Variants in PI4KA observed in about 807,000 individuals in gnomAD.
PI4KA encodes the protein PI4-kinase alpha.
A neutral mutation model predicts 271.4 loss-of-function variants in PI4KA; 122 were observed. The observed-to-expected ratio is 0.45, with a 90% CI of 0.39 to 0.52. PI4KA has a LOEUF of 0.52. Ranked by LOEUF, PI4KA falls within the 20% of genes least tolerant of loss-of-function variation. The probability of loss-of-function intolerance (pLI) is 0.00; values close to 1 mark genes in which losing one functional copy is unlikely to be tolerated. For synonymous variants in PI4KA, 1,041 were observed against 1,078.8 expected, an observed-to-expected ratio of 0.96 and a Z score of 0.69; for missense variants, 1,969 against 2,769.1, an observed-to-expected ratio of 0.71 and a Z score of 6.48.
intron 1 of PI4KA, among the ~76,000 whole-genome samples, chr22:20,849,591 A>G (rs165781): frequency 0.49 from 74,115 of 152,054 alleles, 18,581 homozygotes; most frequent in African/African-American, 0.59. Flanking sequence ...AGTGGCTCAC[A>G]CCTGTAATCC....
chr22:20,794,874 G>A (rs555992117), intron 18 of PI4KA, among the ~76,000 whole-genome samples: 2 of 152,150 alleles, frequency 1.3e-5, no homozygotes, highest in South Asian at 2.1e-4. Context: ...ACGCCTGTTC[G>A]TTCATAGACA....
At chr22:20,839,529 CTT>C (rs1925289324) in intron 1 of PI4KA, among the ~76,000 whole-genome samples, 2 of 152,188 alleles carry the variant, frequency 1.3e-5, no homozygotes, top group Non-Finnish European at 2.9e-5. Context: ...CTCACTGACT[CTT>C]TTAAAAAATC....
rs774894867 is a variant in PI4KA at position 20,727,198 on chromosome 22, C to CAGA, written c.4941+29_4941+31dup. On this transcript the variant is annotated intron_variant, in intron 41 of 54. Transcript: ENST00000255882. Reference sequence around the variant, plus strand: ...GTAAGACCCCTCCCAACAGTCCTACCAGAGGCCAGCTCAGCAGGGCCCTGG... The same window carrying CAGA: ...GTAAGACCCCTCCCAACAGTCCTACCAGAAGAGGCCAGCTCAGCAGGGCCCTGG... 6 of 1,595,066 alleles carry CAGA rather than the reference C, an allele frequency of 3.8e-6. No individual in the cohort carries two copies. In the Admixed American group the frequency reaches 1.1e-4, roughly 29 times the overall value.
At chr22:20,805,398 A>AT (rs1935592945) in intron 10 of PI4KA, among the ~76,000 whole-genome samples, 1 of 152,190 alleles carries the variant, frequency 6.6e-6, no homozygotes. Flanking sequence ...TTTCCCAGGG[A>AT]TGTTACAGCC....
intron 12 of PI4KA, 151 bp from the exon 13 acceptor site, chr22:20,803,471 A>G: frequency 1.3e-6 from 1 of 775,690 alleles, no homozygotes; most frequent in Non-Finnish European, 2.1e-6. Context: ...CAGGACATAA[A>G]AAGATGGAAG....
chr22:20,782,842 G>A (rs73162812), intron 19 of PI4KA, among the ~76,000 whole-genome samples: 10,550 of 152,194 alleles, frequency 0.069, 353 homozygotes, highest in East Asian at 0.078. Context: ...GAGAAACCCT[G>A]GGTGAGGCAG....
chr22:20,751,478 G>T, intron 26 of PI4KA, 102 bp from the exon 27 acceptor site: 1 of 1,098,476 alleles, frequency 9.1e-7, no homozygotes, highest in Non-Finnish European at 1.4e-6. Flanking sequence ...TCTGTGACAG[G>T]CCTCCATACT....
At chr22:20,718,641 G>T (rs1200303622) in intron 44 of PI4KA, 52 bp downstream of exon 44, 4 of 1,596,650 alleles carry the variant, frequency 2.5e-6, no homozygotes, top group Non-Finnish European at 3.4e-6. Flanking sequence ...CTGTTAAGCT[G>T]CAGGGACTGG....
chr22:20,774,772 AAAAG>A (rs1482733701), intron 19 of PI4KA, among the ~76,000 whole-genome samples: 2 of 151,918 alleles, frequency 1.3e-5, no homozygotes, highest in African/African-American at 4.8e-5. Context: ...AAAAAAAAAA[AAAAG>A]AAGAAAAAAG....
At position 20,754,731 on chromosome 22, in the gene PI4KA, C is replaced by T. The variant is rs544904600; in HGVS notation, c.2792-1551G>A. 3.0e-4 allele frequency among the ~76,000 whole-genome samples: 45 copies of T among 152,198 alleles called. No individual in the cohort carries two copies. In the Middle Eastern group the frequency reaches 0.01, roughly 35 times the overall value. ...TTGAGAGGCCGAGGTGGGTGGATCA[C>T]GAGGTCAGGAGTTCGAGACCAGCCT... On this transcript the variant is annotated intron_variant, in intron 23 of 54. Coordinates refer to ENST00000255882, the MANE Select transcript of PI4KA (RefSeq NM_058004.4).
chr22:20,802,326 A>G (rs1243834884), intron 13 of PI4KA, among the ~76,000 whole-genome samples: 2 of 152,262 alleles, frequency 1.3e-5, no homozygotes, highest in Non-Finnish European at 2.9e-5. Flanking sequence ...AAAGTGATAA[A>G]TACAGAAAAC....
chr22:20,721,346 T>G lies in PI4KA; in HGVS notation c.5068A>C (p.Asn1690His). The G allele has an allele frequency of 6.2e-7, 1 of 1,613,892 alleles. No homozygotes were observed. Among genetic ancestry groups the G allele is most frequent in the Non-Finnish European group, 8.5e-7 (1 of 1,179,782 alleles). Residue 1690 changes from asparagine to histidine, a missense_variant, in exon 43 of 55, where the codon AAC (asparagine) becomes CAC (histidine). Coordinates refer to ENST00000255882, the MANE Select transcript of PI4KA (RefSeq NM_058004.4). ...SQLLAHQFIW[N>H]MKTNIYLDEE... ...TCTAGATAAATGTTAGTCTTCATGT[T>G]CCAGATGAACTGGTGTGCCAGAAGC... is the stretch of plus-strand genomic sequence containing the variant.
At chr22:20,722,024 G>C (rs1181074771) in intron 42 of PI4KA, 1 of 152,918 alleles carries the variant, frequency 6.5e-6, no homozygotes, top group Non-Finnish European at 1.5e-5. Flanking sequence ...ATGTTTGACA[G>C]TTCCTCCTAC....
rs192296844 is a variant in PI4KA, at chr22:20,818,490, G to A, written c.849C>T (p.Tyr283=). The change falls in exon 7 of 55, where the codon TAC becomes TAT. Residue 283 remains tyrosine (Y), a synonymous_variant. Coordinates refer to ENST00000255882, the MANE Select transcript of PI4KA (RefSeq NM_058004.4). ...PSSPGGSAFH[Y]FEASCLPDGT... ...CGGAAAGGTGAAGCCCACCTTCAAAGTAGTGAAAGGCAGATCCTCCAGGGG... is the reference window on the plus strand; with the variant it reads ...CGGAAAGGTGAAGCCCACCTTCAAAATAGTGAAAGGCAGATCCTCCAGGGG... 2.5e-6 allele frequency: 4 copies of A among 1,580,528 alleles called. No individual in the cohort carries two copies. Among genetic ancestry groups the A allele is most frequent in the Non-Finnish European group, 3.4e-6 (4 of 1,167,020 alleles).
intron 4 of PI4KA, among the ~76,000 whole-genome samples, chr22:20,821,401 G>T (rs1341771920): frequency 6.6e-6 from 1 of 151,620 alleles, no homozygotes; most frequent in African/African-American, 2.4e-5. Flanking sequence ...TGTATTTTTA[G>T]TACAGACAGG....
chr22:20,825,132 A>G (rs990571691), intron 3 of PI4KA, among the ~76,000 whole-genome samples: 15 of 151,782 alleles, frequency 9.9e-5, no homozygotes, highest in Admixed American at 3.3e-4. Context: ...AAGAGTATCC[A>G]CTATTTAATA....
chr22:20,839,698 C>T (rs1364483699), intron 1 of PI4KA, among the ~76,000 whole-genome samples: 1 of 152,056 alleles, frequency 6.6e-6, no homozygotes, highest in Non-Finnish European at 1.5e-5. Flanking sequence ...GGCATGGTGG[C>T]GAGCGGCTGT....
At chr22:20,773,659 G>T (rs1325775669) in intron 19 of PI4KA, among the ~76,000 whole-genome samples, 1 of 152,188 alleles carries the variant, frequency 6.6e-6, no homozygotes, top group Non-Finnish European at 1.5e-5. Context: ...CGAGCTCTTG[G>T]AAGGACAGGG....
chr22:20,733,629 G>T (rs1445482230), intron 35 of PI4KA, 107 bp downstream of exon 35: 8 of 1,580,018 alleles, frequency 5.1e-6, no homozygotes, highest in Non-Finnish European at 8.6e-7. Context: ...AGCACAACTG[G>T]GCAACTGTGT....
Sources: allele counts gnomAD v4.1 joint callset (sites outside exome capture counted in the v4.1 genomes callset), GRCh38; gene constraint gnomAD v4.1.1; transcripts MANE v1.5; gene names NCBI Gene and HGNC (gene_info 2026-07-23, HGNC 2026-07-21).